USP24: variants seen among roughly 807,000 people sequenced by gnomAD.
USP24 encodes ubiquitin specific peptidase 24.
In USP24, 97 loss-of-function variants were observed where a neutral mutation model predicts 361.6. That is an observed-to-expected ratio of 0.27 (90% CI 0.23 to 0.32). The LOEUF (loss-of-function observed/expected upper bound fraction) is 0.32, where lower values mean the gene tolerates loss of function less well. USP24 is among the 10% of genes least tolerant of loss of function. The pLI, the probability that USP24 is intolerant of heterozygous loss-of-function variation, is 1.00. For synonymous variants in USP24, 1,098 were observed against 1,124.6 expected (o/e 0.98, Z 0.47); for missense variants, 2,353 against 3,165.6 (o/e 0.74, Z 6.16).
At position 55,138,463 on chromosome 1, in the gene USP24, C is replaced by T. The variant is rs553978042; in HGVS notation, c.2928+145G>A. 17 of 563,946 alleles carry T rather than the reference C, an allele frequency of 3.0e-5. No individual in the cohort carries two copies. In the South Asian group the frequency reaches 4.3e-4, roughly 14 times the overall value. 34.9% of individuals were successfully genotyped at this position (563,946 alleles called of 1,614,324 possible). ...TTTATTTATATATCTGCTTGTACCCCACAGTTTCATTTCAGGTCTTTATTC... is the reference window on the plus strand; with the variant it reads ...TTTATTTATATATCTGCTTGTACCCTACAGTTTCATTTCAGGTCTTTATTC... On this transcript the variant is annotated intron_variant, in intron 26 of 67. Coordinates refer to ENST00000294383, the MANE Select transcript of USP24 (RefSeq NM_015306.3).
At chr1:55,071,403 G>A in intron 67 of USP24, 2 of 998,926 alleles carry the variant, frequency 2.0e-6, no homozygotes, top group South Asian at 9.1e-5. Flanking sequence ...CTGGCAAGCA[G>A]GTATACTTCA....
intron 1 of USP24, among the ~76,000 whole-genome samples, chr1:55,185,143 G>T (rs1644093421): frequency 1.3e-5 from 2 of 151,808 alleles, no homozygotes; most frequent in South Asian, 2.1e-4. Flanking sequence ...TTTAGAAATA[G>T]GGTTTTGTTT....
intron 1 of USP24, among the ~76,000 whole-genome samples, chr1:55,186,569 A>G (rs933585242): frequency 1.3e-5 from 2 of 152,246 alleles, no homozygotes; most frequent in African/African-American, 4.8e-5. Flanking sequence ...TAAACATACC[A>G]TGGATTATCC....
At chr1:55,077,572 A>G (rs1645055826) in intron 61 of USP24, among the ~76,000 whole-genome samples, 1 of 152,206 alleles carries the variant, frequency 6.6e-6, no homozygotes, top group South Asian at 2.1e-4. Context: ...AAGTCACTAA[A>G]CAGATCCGAT....
chr1:55,098,367 A>G (rs897651655), intron 46 of USP24, 109 bp downstream of exon 46: 156 of 1,004,314 alleles, frequency 1.6e-4, no homozygotes, highest in Non-Finnish European at 2.2e-4. Context: ...AGATCTGTTG[A>G]CAGGGAGAGA....
Position 55,075,666 on chromosome 1 carries a change from C to CA in USP24, c.7381-144dup, listed in dbSNP as rs1645014013. 9.8e-4 allele frequency: 6 copies of CA among 6,096 alleles called. No individual in the cohort carries two copies. The East Asian group carries it at 0.012, about 12-fold the overall frequency. 0.4% of individuals were successfully genotyped at this position (6,096 alleles called of 1,614,324 possible). On this transcript the variant is annotated intron_variant, in intron 62 of 67. Coordinates refer to ENST00000294383, the MANE Select transcript of USP24 (RefSeq NM_015306.3). The stretch of plus-strand genomic sequence containing the variant: ...ACAACAACAACAACAACAACAACAA[C>CA]ACCACCACCACCAATACAGGACGGG...
chr1:55,110,238 G>A lies in USP24; in HGVS notation c.4517C>T (p.Ser1506Phe), dbSNP rs952556010. Residue 1506 changes from serine (S) to phenylalanine (F), a missense_variant, in exon 39 of 68, where the codon TCT becomes TTT. Transcript: ENST00000294383. Reference sequence around the variant, plus strand: ...CAAATCAAAATACTCCATACACTGAGATAACAGTCTAAAAAACAGAAAGGT... The same window carrying A: ...CAAATCAAAATACTCCATACACTGAAATAACAGTCTAAAAAACAGAAAGGT... Reference protein sequence around the residue: ...IMRGVNQRLLSQCMEYFDLRC... With the variant: ...IMRGVNQRLLFQCMEYFDLRC... 8 of 1,537,776 alleles carry A rather than the reference G, an allele frequency of 5.2e-6. No individual in the cohort carries two copies. The highest frequency in any genetic ancestry group is 7.0e-6 in the Non-Finnish European group (8 of 1,140,878).
At chr1:55,174,404 G>A (rs149201426) in intron 3 of USP24, among the ~76,000 whole-genome samples, 7 of 152,154 alleles carry the variant, frequency 4.6e-5, no homozygotes, top group Non-Finnish European at 1.0e-4. Flanking sequence ...TTGACGGGGA[G>A]GAGAACCTTT....
chr1:55,090,379 T>C lies in USP24; in HGVS notation c.6555-639A>G, dbSNP rs116770825. Among the ~76,000 whole-genome samples, 717 of 152,336 alleles carry C rather than the reference T, an allele frequency of 4.7e-3. 4 individuals carry two copies. The highest frequency in any genetic ancestry group is 0.016 in the African/African-American group (665 of 41,578). ...AAAAGTGACCAATCCTATGCCAGGA[T>C]AGGCATAGTGACTAATTAGTTAATC... On this transcript the variant is annotated intron_variant, in intron 54 of 67. Coordinates refer to ENST00000294383, the MANE Select transcript of USP24 (RefSeq NM_015306.3).
chr1:55,195,407 TTC>T (rs1644389636), intron 1 of USP24, among the ~76,000 whole-genome samples: 1 of 152,192 alleles, frequency 6.6e-6, no homozygotes, highest in Non-Finnish European at 1.5e-5. Context: ...AAGGAAGGTA[TTC>T]TGTCTTCTAT....
At chr1:55,189,160 TAA>T (rs1644220453) in intron 1 of USP24, among the ~76,000 whole-genome samples, 3 of 152,032 alleles carry the variant, frequency 2.0e-5, no homozygotes, top group African/African-American at 7.3e-5. Context: ...CAAATATTCA[TAA>T]GAGAAATGGA....
intron 32 of USP24, among the ~76,000 whole-genome samples, chr1:55,128,412 C>A (rs1355890616): frequency 6.6e-6 from 1 of 152,148 alleles, no homozygotes; most frequent in East Asian, 1.9e-4. Flanking sequence ...TGAGACCCTT[C>A]TTGACATGTT....
chr1:55,118,969 TG>T (rs1167580154), intron 38 of USP24, among the ~76,000 whole-genome samples: 1 of 152,136 alleles, frequency 6.6e-6, no homozygotes, highest in East Asian at 1.9e-4. Context: ...ACATTGCTGG[TG>T]GGGAAGTAAA....
At position 55,153,927 on chromosome 1, in the gene USP24, C is replaced by T; in HGVS notation, c.1813-10G>A. On this transcript the variant is annotated splice_polypyrimidine_tract_variant and intron_variant, in intron 15 of 67. Transcript: ENST00000294383. ...CTGACCATTCTCCAGGCTGAAAATT[C>T]ATTTTAAGAGAAATATAAGTGACTT... 6.4e-7 allele frequency: 1 copy of T among 1,550,560 alleles called. No homozygotes were observed. The highest frequency in any genetic ancestry group is 8.7e-7 in the Non-Finnish European group (1 of 1,146,560).
At chr1:55,111,133 T>C (rs1387441011) in intron 38 of USP24, among the ~76,000 whole-genome samples, 6 of 150,892 alleles carry the variant, frequency 4.0e-5, no homozygotes, top group African/African-American at 1.5e-4. Context: ...TACCATACTA[T>C]TTTTTTTTCC....
intron 32 of USP24, among the ~76,000 whole-genome samples, chr1:55,128,089 C>T (rs1570479346): frequency 6.6e-6 from 1 of 152,198 alleles, no homozygotes; most frequent in Non-Finnish European, 1.5e-5. Context: ...CTCTTGCTTT[C>T]CTTTGTTCGT....
intron 26 of USP24, among the ~76,000 whole-genome samples, 158 bp downstream of exon 26, chr1:55,138,450 T>A (rs1270100217): frequency 1.3e-5 from 2 of 152,192 alleles, no homozygotes; most frequent in South Asian, 2.1e-4. Flanking sequence ...TATTTATATA[T>A]CTGCTTGTAC....
intron 7 of USP24, among the ~76,000 whole-genome samples, chr1:55,164,775 T>A (rs147354352): frequency 2.0e-3 from 306 of 152,042 alleles, no homozygotes; most frequent in African/African-American, 6.7e-3. Flanking sequence ...TTCATCCAAG[T>A]AGGATAGAAA....
chr1:55,201,393 G>A (rs1644569443), intron 1 of USP24, among the ~76,000 whole-genome samples: 1 of 151,482 alleles, frequency 6.6e-6, no homozygotes, highest in Non-Finnish European at 1.5e-5. Flanking sequence ...ACGAGGTCAG[G>A]AGTTTGAGAC....
Sources: allele counts gnomAD v4.1 joint callset (sites outside exome capture counted in the v4.1 genomes callset), GRCh38; gene constraint gnomAD v4.1.1; transcripts MANE v1.5; gene names NCBI Gene and HGNC (gene_info 2026-07-23, HGNC 2026-07-21).